Variants in GALNTL6 observed in about 807,000 individuals in gnomAD.
GALNTL6 encodes polypeptide N-acetylgalactosaminyltransferase-like 6.
GALNTL6 carries 46 observed loss-of-function variants against 73.7 expected under a neutral mutation model. That is an observed-to-expected ratio of 0.62 (90% confidence interval 0.49 to 0.80). The LOEUF (loss-of-function observed/expected upper bound fraction) is 0.80. Ranked by LOEUF, GALNTL6 falls within the 30% of genes least tolerant of loss-of-function variation. The pLI is 0.00. For missense variants in GALNTL6, 604 were observed against 755.0 expected (o/e 0.80, Z 2.34); for synonymous variants, 259 against 263.7 (o/e 0.98, Z 0.17).
chr4:172,581,821 A>G (rs1171159430), intron 5 of GALNTL6, among the ~76,000 whole-genome samples: 1 of 152,178 alleles, frequency 6.6e-6, no homozygotes, highest in Non-Finnish European at 1.5e-5. Context: ...CCTCTCCTGT[A>G]GCCTGAAGAA....
In GALNTL6 at chr4:172,506,024, C is replaced by T. The variant is rs575953279; in HGVS notation, c.553+157335C>T. ...AAGCTCGCAGCACATTCAGCATTATCATTAGGTCAGCATACTCTCCGGCAT... is the reference window on the plus strand; with the variant it reads ...AAGCTCGCAGCACATTCAGCATTATTATTAGGTCAGCATACTCTCCGGCAT... On this transcript the variant is annotated intron_variant, in intron 5 of 12. Coordinates refer to ENST00000506823, the MANE Select transcript of GALNTL6 (RefSeq NM_001034845.3). Among the ~76,000 whole-genome samples, 157 of 54,148 alleles carry T rather than the reference C, an allele frequency of 2.9e-3. 64 individuals carry two copies. The highest frequency in any genetic ancestry group is 6.8e-3 in the African/African-American group (148 of 21,658). 35.5% of individuals were successfully genotyped at this position (54,148 alleles called of 152,430 possible). A position where few individuals can be genotyped will look rare whatever the true frequency, so the allele number is the denominator to read the frequency against.
intron 5 of GALNTL6, chr4:172,425,471 T>A (rs1162459360): frequency 1.3e-5 from 2 of 152,072 alleles, no homozygotes; most frequent in Admixed American, 1.3e-4. Context: ...TTTTATTGAA[T>A]GAGTTAATAT....
chr4:172,562,724 CCT>C (rs1461105300), intron 5 of GALNTL6, among the ~76,000 whole-genome samples: 1 of 152,210 alleles, frequency 6.6e-6, no homozygotes, highest in African/African-American at 2.4e-5. Context: ...TCATTCACTG[CCT>C]CTGTCTCAGT....
At chr4:172,764,728 A>G (rs1307649724) in intron 5 of GALNTL6, among the ~76,000 whole-genome samples, 1 of 152,182 alleles carries the variant, frequency 6.6e-6, no homozygotes, top group Admixed American at 6.5e-5. Flanking sequence ...TCAAAAATAG[A>G]ATCACATGTG....
chr4:172,884,107 C>A (rs28840537), intron 8 of GALNTL6, among the ~76,000 whole-genome samples: 38,091 of 152,026 alleles, frequency 0.25, 5,281 homozygotes, highest in African/African-American at 0.35. Flanking sequence ...CTTCTACATA[C>A]TGAGTCCCTT....
At chr4:172,678,086 A>G (rs934668601) in intron 5 of GALNTL6, among the ~76,000 whole-genome samples, 7 of 152,198 alleles carry the variant, frequency 4.6e-5, no homozygotes, top group African/African-American at 1.7e-4. Flanking sequence ...AAGCCCCCAC[A>G]TAGACATTTT....
intron 2 of GALNTL6, among the ~76,000 whole-genome samples, chr4:171,907,358 A>G (rs1400818414): frequency 6.6e-6 from 1 of 152,158 alleles, no homozygotes; most frequent in Admixed American, 6.6e-5. Flanking sequence ...CAACAGACTA[A>G]CAGAGAGCCA....
chr4:172,214,576 G>A (rs1249004122), intron 2 of GALNTL6, among the ~76,000 whole-genome samples: 2 of 148,516 alleles, frequency 1.3e-5, no homozygotes, highest in Admixed American at 6.8e-5. Flanking sequence ...GTGCAGTGGC[G>A]TGATCTGGGC....
chr4:172,096,081 T>TG (rs1732344811), intron 2 of GALNTL6, among the ~76,000 whole-genome samples: 3 of 110,336 alleles, frequency 2.7e-5, no homozygotes, highest in East Asian at 2.7e-4. Flanking sequence ...TCTCTCTCTC[T>TG]TTCTGTGTGT....
chr4:171,922,890 T>C (rs1737837200), intron 2 of GALNTL6, among the ~76,000 whole-genome samples: 2 of 152,124 alleles, frequency 1.3e-5, no homozygotes, highest in Non-Finnish European at 2.9e-5. Flanking sequence ...TCAAGACGAA[T>C]GATGAAACCA....
chr4:172,438,942 T>G (rs929133160), intron 5 of GALNTL6, among the ~76,000 whole-genome samples: 7 of 152,068 alleles, frequency 4.6e-5, no homozygotes, highest in African/African-American at 1.4e-4. Flanking sequence ...CATCTACTTC[T>G]TTTCTATGCC....
chr4:172,316,367 C>T (rs1740541318), intron 4 of GALNTL6, among the ~76,000 whole-genome samples: 1 of 152,152 alleles, frequency 6.6e-6, no homozygotes, highest in African/African-American at 2.4e-5. Context: ...TCTAAGGTGG[C>T]TGAGTAGCTG....
At chr4:172,129,945 A>G (rs932177600) in intron 2 of GALNTL6, among the ~76,000 whole-genome samples, 2 of 152,200 alleles carry the variant, frequency 1.3e-5, no homozygotes, top group Non-Finnish European at 2.9e-5. Flanking sequence ...AACAAAGAGG[A>G]AGACATTCTA....
chr4:171,902,182 C>A (rs1047944347), intron 2 of GALNTL6, among the ~76,000 whole-genome samples: 2 of 151,934 alleles, frequency 1.3e-5, no homozygotes, highest in Non-Finnish European at 2.9e-5. Context: ...CTAATTGAAG[C>A]CTTAGGAGGG....
chr4:172,439,172 TCACACA>T (rs57281407), intron 5 of GALNTL6, among the ~76,000 whole-genome samples: 43,889 of 145,288 alleles, frequency 0.3, 6,860 homozygotes, highest in African/African-American at 0.41. Flanking sequence ...TCTCTCCCCT[TCACACA>T]CACACACACA....
In GALNTL6 at chr4:171,910,212, C is replaced by T. The variant is rs529315876; in HGVS notation, c.138+95494C>T. ...TGTTGTTAAACCGTTGTTTATCCTTCTCCCCTTTACATTTTTTACCTTCAT... is the reference window on the plus strand; with the variant it reads ...TGTTGTTAAACCGTTGTTTATCCTTTTCCCCTTTACATTTTTTACCTTCAT... On this transcript the variant is annotated intron_variant, in intron 2 of 12. Coordinates refer to ENST00000506823, the MANE Select transcript of GALNTL6 (RefSeq NM_001034845.3). Among the ~76,000 whole-genome samples the T allele has an allele frequency of 7.2e-5, 11 of 152,212 alleles. No individual in the cohort carries two copies. The East Asian group carries it at 2.1e-3, about 29-fold the overall frequency.
At chr4:172,884,035 G>A (rs1745591450) in intron 8 of GALNTL6, among the ~76,000 whole-genome samples, 1 of 152,020 alleles carries the variant, frequency 6.6e-6, no homozygotes, top group South Asian at 2.1e-4. Context: ...CATTCATCCA[G>A]TGATGGACAC....
chr4:172,670,047 A>G (rs560718300), intron 5 of GALNTL6, among the ~76,000 whole-genome samples: 1 of 152,298 alleles, frequency 6.6e-6, no homozygotes, highest in East Asian at 1.9e-4. Context: ...TATATACTAC[A>G]TTTTCTTTAC....
At chr4:172,084,231 T>C (rs1731963360) in intron 2 of GALNTL6, among the ~76,000 whole-genome samples, 1 of 152,192 alleles carries the variant, frequency 6.6e-6, no homozygotes, top group Non-Finnish European at 1.5e-5. Context: ...AAAATATATG[T>C]GAGTGAACTA....
Sources: allele counts gnomAD v4.1 joint callset (sites outside exome capture counted in the v4.1 genomes callset), GRCh38; gene constraint gnomAD v4.1.1; transcripts MANE v1.5; gene names NCBI Gene and HGNC (gene_info 2026-07-23, HGNC 2026-07-21).